Variants in RET observed in about 807,000 individuals in gnomAD.
RET encodes the protein proto-oncogene tyrosine-protein kinase receptor Ret.
A neutral mutation model predicts 118.3 loss-of-function variants in RET; 19 were observed. That is an observed-to-expected ratio of 0.16 (90% CI 0.11 to 0.24). The LOEUF (loss-of-function observed/expected upper bound fraction) is 0.24, where lower values mean the gene tolerates loss of function less well. Among genes scored for constraint, RET ranks in the 10% least tolerant of loss-of-function variants. RET has a pLI of 1.00. For missense variants in RET, 1,219 were observed against 1,502.1 expected, an observed-to-expected ratio of 0.81 and a Z score of 3.12; for synonymous variants, 597 against 644.1, an observed-to-expected ratio of 0.93 and a Z score of 1.11.
In RET at chr10:43,128,952, C is replaced by G. The variant is rs1838392155; in HGVS notation, c.*683C>G. ...CTAGATTTAGCACAATGGAGAGATTCCATGCCATCTTTACTATGTGGATGG... is the reference window on the plus strand; with the variant it reads ...CTAGATTTAGCACAATGGAGAGATTGCATGCCATCTTTACTATGTGGATGG... On this transcript the variant is annotated 3_prime_UTR_variant, in exon 20 of 20. Transcript: ENST00000355710. 4.2e-6 allele frequency: 1 copy of G among 238,216 alleles called. No homozygotes were observed. The allele number at this position is 238,216 out of a possible 1,614,324, so 14.8% of individuals were successfully genotyped here.
chr10:43,123,193 T>C (rs1385018206), intron 16 of RET, among the ~76,000 whole-genome samples: 1 of 152,208 alleles, frequency 6.6e-6, no homozygotes, highest in African/African-American at 2.4e-5. Flanking sequence ...AGTTAAAATG[T>C]TTTTCTATAG....
Position 43,128,167 on chromosome 10 carries a change from T to G in RET, c.3243T>G (p.Asp1081Glu), listed in dbSNP as rs144192900. ...GTCCTGTACCACTCACGAGAGCTGA[T>G]GGCACTAACACTGGGTTTCCAAGAT... ...GESPVPLTRA[D>E]GTNTGFPRYP... Residue 1081 changes from aspartate (D) to glutamate (E), a missense_variant, in exon 20 of 20, where the codon GAT becomes GAG. Around this residue, in one of 5 missense-constraint regions of RET, gnomAD observed 174 missense variants for 179.3 expected, o/e 0.97. Coordinates refer to ENST00000355710, the MANE Select transcript of RET (RefSeq NM_020975.6). 1 of 1,614,086 alleles carries G rather than the reference T, an allele frequency of 6.2e-7. No individual in the cohort carries two copies. The highest frequency in any genetic ancestry group is 8.5e-7 in the Non-Finnish European group (1 of 1,180,028).
At chr10:43,102,271 T>C in intron 2 of RET, 71 bp from the exon 3 acceptor site, 7 of 1,591,376 alleles carry the variant, frequency 4.4e-6, no homozygotes, top group East Asian at 4.5e-5. Flanking sequence ...CTGGAGCTCC[T>C]GCCTCCTCCC....
At chr10:43,081,169 C>A (rs1937462158) in intron 1 of RET, among the ~76,000 whole-genome samples, 1 of 151,756 alleles carries the variant, frequency 6.6e-6, no homozygotes, top group Non-Finnish European at 1.5e-5. Context: ...AGGAGCCCCT[C>A]CCCCAGAAGT....
chr10:43,077,522 C>A (rs1313897470), intron 1 of RET, among the ~76,000 whole-genome samples, 191 bp downstream of exon 1: 15 of 146,634 alleles, frequency 1.0e-4, no homozygotes, highest in Non-Finnish European at 1.7e-4. Context: ...CGCCTCGGGC[C>A]GGGCGCCTCG....
intron 1 of RET, among the ~76,000 whole-genome samples, chr10:43,084,144 T>C (rs1896999): frequency 0.35 from 52,803 of 152,180 alleles, 9,613 homozygotes; most frequent in South Asian, 0.42. Flanking sequence ...ACGTGGGTGC[T>C]TTCCACCTTT....
chr10:43,124,306 T>C (rs1838283713), intron 17 of RET, among the ~76,000 whole-genome samples: 1 of 151,790 alleles, frequency 6.6e-6, no homozygotes. Context: ...TTCCACAGAG[T>C]GTGCACACTG....
rs576806356 is a variant in RET at position 43,111,380 on chromosome 10, C to A, written c.1437C>A (p.Ala479=). 5.0e-6 allele frequency: 8 copies of A among 1,614,000 alleles called. No individual in the cohort carries two copies. The South Asian group carries it at 8.8e-5, about 18-fold the overall frequency. ...AGGCCCTGCGGCGGCCCAAGTGTGCCGAACTTCACTACATGGTGGTGGCCA... is the reference window on the plus strand; with the variant it reads ...AGGCCCTGCGGCGGCCCAAGTGTGCAGAACTTCACTACATGGTGGTGGCCA... ...DTKALRRPKC[A]ELHYMVVATD... The change falls in exon 7 of 20, where the codon GCC becomes GCA. Residue 479 remains alanine, a synonymous_variant. Coordinates refer to ENST00000355710, the MANE Select transcript of RET (RefSeq NM_020975.6).
At chr10:43,123,530 C>T in intron 16 of RET, 141 bp from the exon 17 acceptor site, 1 of 1,151,232 alleles carries the variant, frequency 8.7e-7, no homozygotes, top group Non-Finnish European at 1.3e-6. Context: ...GCAGCCAGAC[C>T]CAGGCTGACA....
At chr10:43,101,276 G>A (rs991429412) in intron 2 of RET, among the ~76,000 whole-genome samples, 5 of 152,202 alleles carry the variant, frequency 3.3e-5, no homozygotes, top group Admixed American at 6.5e-5. Context: ...CCTGTGACAG[G>A]AAACGGTGAT....
intron 8 of RET, among the ~76,000 whole-genome samples, 192 bp downstream of exon 8, chr10:43,112,416 A>C (rs1422975914): frequency 6.6e-6 from 1 of 152,210 alleles, no homozygotes. Context: ...TTGTGAGTAC[A>C]GTGAATGGTC....
chr10:43,096,220 G>T (rs1837520609), intron 1 of RET, among the ~76,000 whole-genome samples: 1 of 152,078 alleles, frequency 6.6e-6, no homozygotes, highest in South Asian at 2.1e-4. Context: ...CCAGACGTGG[G>T]TCTCGACCCA....
In RET at chr10:43,128,122, C is replaced by T. The variant is rs2133047683; in HGVS notation, c.3198C>T (p.Asp1066=). Residue 1066 remains aspartate (D), a synonymous_variant, in exon 20 of 20, where the codon GAC becomes GAT. Coordinates refer to ENST00000355710, the MANE Select transcript of RET (RefSeq NM_020975.6). The part of the protein sequence containing the change: ...WIENKLYGMS[D]PNWPGESPVP... ...TGTTTTCATTTTTAGGCATGTCAGACCCGAACTGGCCTGGAGAGAGTCCTG... is the reference window on the plus strand; with the variant it reads ...TGTTTTCATTTTTAGGCATGTCAGATCCGAACTGGCCTGGAGAGAGTCCTG... The T allele has an allele frequency of 6.2e-7, 1 of 1,614,150 alleles. No homozygotes were observed. The highest frequency in any genetic ancestry group is 1.7e-5 in the Admixed American group (1 of 60,030).
At chr10:43,081,192 TC>T (rs80006296) in intron 1 of RET, among the ~76,000 whole-genome samples, 4,785 of 142,796 alleles carry the variant, frequency 0.034, 144 homozygotes, top group East Asian at 0.12. Context: ...GCCCCCCCCA[TC>T]CCCCCTTCCT....
intron 1 of RET, among the ~76,000 whole-genome samples, chr10:43,083,018 C>T (rs1369001047): frequency 6.6e-6 from 1 of 152,212 alleles, no homozygotes; most frequent in Non-Finnish European, 1.5e-5. Context: ...CCTGCTCCAC[C>T]ACCATTGCCT....
chr10:43,113,947 G>A (rs920128378), intron 10 of RET, among the ~76,000 whole-genome samples: 6 of 152,204 alleles, frequency 3.9e-5, no homozygotes, highest in African/African-American at 1.4e-4. Flanking sequence ...CTGTCCCTGT[G>A]ACCATGCAGC....
intron 8 of RET, among the ~76,000 whole-genome samples, 200 bp from the exon 9 acceptor site, chr10:43,112,653 G>C (rs1315349827): frequency 6.6e-6 from 1 of 152,220 alleles, no homozygotes; most frequent in Admixed American, 6.5e-5. Flanking sequence ...AGGGCCACCT[G>C]TGTGAGGAAC....
rs1200611088 is a variant in RET at position 43,100,780 on chromosome 10, C to T, written c.337+58C>T. 24 of 1,522,928 alleles carry T rather than the reference C, an allele frequency of 1.6e-5. No homozygotes were observed. The South Asian group carries it at 2.4e-4, about 15-fold the overall frequency. The allele number at this position is 1,522,928 out of a possible 1,614,324, so 94.3% of individuals were successfully genotyped here. A position where few individuals can be genotyped will look rare whatever the true frequency, so the allele number is the denominator to read the frequency against. ...CCCACCCCACCCCTTCCTCAAGCCGCCCTTATCACAGCCGCTGACACTGAA... is the reference window on the plus strand; with the variant it reads ...CCCACCCCACCCCTTCCTCAAGCCGTCCTTATCACAGCCGCTGACACTGAA... On this transcript the variant is annotated intron_variant, in intron 2 of 19. Transcript: ENST00000355710.
Position 43,128,801 on chromosome 10 carries a change from G to A in RET, c.*532G>A. ...GTAGTGTCAATGCCCCTCCAGGGCT[G>A]GAGGGGAAGAGGGGCCCCGAGGATG... On this transcript the variant is annotated 3_prime_UTR_variant, in exon 20 of 20. Transcript: ENST00000355710. 1 of 256,014 alleles carries A rather than the reference G, an allele frequency of 3.9e-6. No homozygotes were observed. The highest frequency in any genetic ancestry group is 2.2e-5 in the African/African-American group (1 of 45,674). The allele number at this position is 256,014 out of a possible 1,614,324, so 15.9% of individuals were successfully genotyped here.
Sources: gnomAD v4.1 joint callset for allele counts (sites outside exome capture counted in the v4.1 genomes callset) on GRCh38, gnomAD v4.1.1 for gene constraint, gnomAD v4.1.1 regional missense constraint, MANE v1.5 for transcripts, NCBI Gene and HGNC (gene_info 2026-07-23, HGNC 2026-07-21) for gene names.